Variants in NDFIP2 observed in about 807,000 individuals in gnomAD.
NDFIP2 encodes the protein NEDD4 family-interacting protein 2.
In NDFIP2, 19 loss-of-function variants were observed where a neutral mutation model predicts 36.0. The observed-to-expected ratio is 0.53, with a 90% CI of 0.37 to 0.77. The LOEUF is 0.77. Among genes scored for constraint, NDFIP2 ranks in the 30% least tolerant of loss-of-function variants. The pLI is 0.00. For synonymous variants in NDFIP2, 181 were observed against 167.7 expected, an observed-to-expected ratio of 1.08 and a Z score of -0.61; for missense variants, 446 against 435.8, an observed-to-expected ratio of 1.02 and a Z score of -0.21.
chr13:79,482,576 T>G (rs1489830516), intron 1 of NDFIP2, among the ~76,000 whole-genome samples: 1 of 152,212 alleles, frequency 6.6e-6, no homozygotes, highest in African/African-American at 2.4e-5. Context: ...TTTTACAAAT[T>G]TAGGTATGTT....
In NDFIP2 at chr13:79,494,276, C is replaced by T. The variant is rs372382237; in HGVS notation, c.321+12752C>T. ...AAGTAAAGACAGTACAGAATTCTATCTCAGAATTACTGTGAGCATTAAATG... is the reference window on the plus strand; with the variant it reads ...AAGTAAAGACAGTACAGAATTCTATTTCAGAATTACTGTGAGCATTAAATG... On this transcript the variant is annotated intron_variant, in intron 1 of 7. Transcript: ENST00000218652. Among the ~76,000 whole-genome samples, 8 of 152,076 alleles carry T rather than the reference C, an allele frequency of 5.3e-5. No individual in the cohort carries two copies. The East Asian group carries it at 1.2e-3, about 22-fold the overall frequency.
chr13:79,488,388 T>TA (rs527718421), intron 1 of NDFIP2, among the ~76,000 whole-genome samples: 4 of 151,224 alleles, frequency 2.6e-5, no homozygotes, highest in African/African-American at 7.3e-5. Flanking sequence ...TTTAGCTCAT[T>TA]AAAAAAAAAT....
chr13:79,499,578 A>G (rs2140742630), intron 1 of NDFIP2, among the ~76,000 whole-genome samples: 1 of 152,112 alleles, frequency 6.6e-6, no homozygotes, highest in South Asian at 2.1e-4. Context: ...TGTTTTCCTA[A>G]ATGCTAGCAA....
chr13:79,510,551 G>T (rs1712065327), intron 1 of NDFIP2, among the ~76,000 whole-genome samples: 1 of 152,084 alleles, frequency 6.6e-6, no homozygotes, highest in African/African-American at 2.4e-5. Context: ...ACCACAGAGT[G>T]ATTACTGCCA....
intron 1 of NDFIP2, among the ~76,000 whole-genome samples, chr13:79,487,004 C>T (rs928241366): frequency 3.3e-5 from 5 of 152,130 alleles, no homozygotes; most frequent in African/African-American, 4.8e-5. Flanking sequence ...ACCCTCATGA[C>T]GTCATCTAAA....
chr13:79,522,899 A>G (rs1255407432), intron 2 of NDFIP2, among the ~76,000 whole-genome samples: 5 of 151,948 alleles, frequency 3.3e-5, no homozygotes, highest in Non-Finnish European at 1.5e-5. Context: ...CTTATTCAAG[A>G]GGAGAGGAAT....
rs1566665009 is a variant in NDFIP2 at position 79,533,403 on chromosome 13, GAGA to G, written c.571_573del (p.Lys191del). 1.2e-6 allele frequency: 2 copies of G among 1,612,300 alleles called. No individual in the cohort carries two copies. Among genetic ancestry groups the G allele is most frequent in the East Asian group, 2.2e-5 (1 of 44,788 alleles). On this transcript the variant is annotated inframe_deletion, in exon 3 of 8. Transcript: ENST00000218652. ...CTCTCTTCCTACATACGATGAAGCT[GAGA>G]AGGCTAAAGCTGCTGCAATGGCAGC... is the stretch of plus-strand genomic sequence containing the variant.
In NDFIP2 at chr13:79,555,401, T is replaced by C. The variant is rs1354129641; in HGVS notation, c.*2888T>C. 2 of 151,574 alleles carry C rather than the reference T, an allele frequency of 1.3e-5. No individual in the cohort carries two copies. The highest frequency in any genetic ancestry group is 4.8e-5 in the African/African-American group (2 of 41,258). The allele number at this position is 151,574 out of a possible 1,614,324, so 9.4% of individuals were successfully genotyped here. A position where few individuals can be genotyped will look rare whatever the true frequency, so the allele number is the denominator to read the frequency against. On this transcript the variant is annotated 3_prime_UTR_variant, in exon 8 of 8. Coordinates refer to ENST00000218652, the MANE Select transcript of NDFIP2 (RefSeq NM_019080.3). Reference sequence around the variant, plus strand: ...CCTCATCGTACTCTCAAAAGTGTTCTAATTTGGAGGATAAGTTATATGATC... The same window carrying C: ...CCTCATCGTACTCTCAAAAGTGTTCCAATTTGGAGGATAAGTTATATGATC...
chr13:79,550,355 G>A (rs1448055469), intron 6 of NDFIP2, among the ~76,000 whole-genome samples: 1 of 151,624 alleles, frequency 6.6e-6, no homozygotes, highest in African/African-American at 2.4e-5. Flanking sequence ...GTAGATATAA[G>A]ATGTATCCCA....
intron 1 of NDFIP2, among the ~76,000 whole-genome samples, chr13:79,500,339 G>T (rs1330565054): frequency 1.3e-5 from 2 of 151,828 alleles, no homozygotes; most frequent in African/African-American, 4.8e-5. Context: ...TAGAAAAAAA[G>T]AGGTGATAAG....
intron 1 of NDFIP2, among the ~76,000 whole-genome samples, chr13:79,494,221 A>G (rs1017064562): frequency 3.3e-5 from 5 of 151,904 alleles, no homozygotes; most frequent in African/African-American, 1.2e-4. Flanking sequence ...CAACTATTCT[A>G]TGTTGTAGTT....
Position 79,533,336 on chromosome 13 carries a change from C to T in NDFIP2, c.501C>T (p.Tyr167=), listed in dbSNP as rs117933987. 108 of 1,599,580 alleles carry T rather than the reference C, an allele frequency of 6.8e-5. No individual in the cohort carries two copies. Among genetic ancestry groups the T allele is most frequent in the East Asian group, 5.8e-4 (26 of 44,588 alleles). Residue 167 remains tyrosine (Y), a synonymous_variant, in exon 3 of 8, where the codon TAC becomes TAT. Transcript: ENST00000218652. ...EVPTTSDTEV[Y]GEFYPVPPPY... ...TTCTTTCTTCAGATACAGAAGTTTACGGTGAGTTTTATCCCGTGCCACCTC... is the reference window on the plus strand; with the variant it reads ...TTCTTTCTTCAGATACAGAAGTTTATGGTGAGTTTTATCCCGTGCCACCTC...
At chr13:79,519,769 T>C (rs943015891) in intron 1 of NDFIP2, among the ~76,000 whole-genome samples, 7 of 152,186 alleles carry the variant, frequency 4.6e-5, no homozygotes, top group Non-Finnish European at 8.8e-5. Flanking sequence ...CATCAACTTA[T>C]TTTGCTTTAG....
At chr13:79,485,530 T>C (rs1872946261) in intron 1 of NDFIP2, among the ~76,000 whole-genome samples, 2 of 152,230 alleles carry the variant, frequency 1.3e-5, no homozygotes, top group Non-Finnish European at 2.9e-5. Context: ...CCTTACTCTC[T>C]AGTTGTCACC....
At chr13:79,537,963 G>T (rs1875306505) in intron 3 of NDFIP2, among the ~76,000 whole-genome samples, 1 of 137,234 alleles carries the variant, frequency 7.3e-6, no homozygotes, top group Non-Finnish European at 1.7e-5. Flanking sequence ...CAGCTTCTGG[G>T]GAGGCCCCAG....
intron 1 of NDFIP2, among the ~76,000 whole-genome samples, chr13:79,509,271 G>A (rs1873985154): frequency 6.6e-6 from 1 of 152,118 alleles, no homozygotes; most frequent in South Asian, 2.1e-4. Flanking sequence ...TTGGAAAGGT[G>A]GGACAATGGG....
rs370724054 is a variant in NDFIP2, at chr13:79,484,692, G to A, written c.321+3168G>A. On this transcript the variant is annotated intron_variant, in intron 1 of 7. Coordinates refer to ENST00000218652, the MANE Select transcript of NDFIP2 (RefSeq NM_019080.3). Reference sequence around the variant, plus strand: ...ACAAAGATCTGAGTACTTTGCTCTTGTATCTGGGGAATTAGAGTTGCCCTC... The same window carrying A: ...ACAAAGATCTGAGTACTTTGCTCTTATATCTGGGGAATTAGAGTTGCCCTC... Among the ~76,000 whole-genome samples the A allele has an allele frequency of 1.9e-3, 287 of 152,276 alleles. 1 individual carries two copies. Among genetic ancestry groups the A allele is most frequent in the Non-Finnish European group, 3.4e-3 (233 of 68,024 alleles).
Position 79,551,024 on chromosome 13 carries a change from C to T in NDFIP2, c.915C>T (p.Leu305=), listed in dbSNP as rs779588009. 34 of 1,594,392 alleles carry T rather than the reference C, an allele frequency of 2.1e-5. No homozygotes were observed. In the East Asian group the frequency reaches 2.7e-4, roughly 13 times the overall value. ...LWWIFLVLGL[L]LFFRGFVNYL... is the part of the protein sequence containing the mutation. ...TTATTTCAACCTTCTCAGGCCTGCT[C>T]CTTTTCTTCAGAGGATTTGTTAATT... The change falls in exon 7 of 8, where the codon CTC becomes CTT. Residue 305 remains leucine (L), a synonymous_variant. Transcript: ENST00000218652.
At chr13:79,489,992 A>G (rs551008804) in intron 1 of NDFIP2, among the ~76,000 whole-genome samples, 18 of 152,278 alleles carry the variant, frequency 1.2e-4, no homozygotes, top group Non-Finnish European at 2.4e-4. Flanking sequence ...TTGTTTTTGT[A>G]TAGGTCTGTG....
Sources: gnomAD v4.1 joint callset for allele counts (sites outside exome capture counted in the v4.1 genomes callset) on GRCh38, gnomAD v4.1.1 for gene constraint, MANE v1.5 for transcripts, NCBI Gene and HGNC (gene_info 2026-07-23, HGNC 2026-07-21) for gene names.